The following GOLM2 variants were observed in gnomAD, a reference collection of about 807,000 sequenced individuals.
The protein encoded by GOLM2 is protein GOLM2.
In GOLM2, 26 loss-of-function variants were observed where a neutral mutation model predicts 55.9. That is an observed-to-expected ratio of 0.47 (90% CI 0.34 to 0.65). The LOEUF is 0.65. Among genes scored for constraint, GOLM2 ranks in the 30% least tolerant of loss-of-function variants. The pLI is 0.01. For missense variants in GOLM2, 486 were observed against 531.8 expected, an observed-to-expected ratio of 0.91 and a Z score of 0.85; for synonymous variants, 165 against 194.6, an observed-to-expected ratio of 0.85 and a Z score of 1.27.
chr15:44,364,980 G>T (rs1567036054), intron 6 of GOLM2, among the ~76,000 whole-genome samples: 1 of 152,138 alleles, frequency 6.6e-6, no homozygotes, highest in Non-Finnish European at 1.5e-5. Flanking sequence ...TAGTTGGGCA[G>T]TTTCTTACAA....
chr15:44,379,625 T>G (rs1027023695), intron 6 of GOLM2, 65 bp from the exon 7 acceptor site: 3 of 671,544 alleles, frequency 4.5e-6, no homozygotes, highest in African/African-American at 3.7e-5. Flanking sequence ...GTGGTTTTTT[T>G]TTTTTTTTTT....
intron 1 of GOLM2, among the ~76,000 whole-genome samples, chr15:44,306,284 C>T (rs558908702): frequency 3.3e-5 from 5 of 152,270 alleles, no homozygotes; most frequent in African/African-American, 4.8e-5. Context: ...TCCCCTTGCA[C>T]CTTTATGTTA....
At chr15:44,361,443 TAGA>T (rs2079238158) in intron 6 of GOLM2, among the ~76,000 whole-genome samples, 1 of 151,998 alleles carries the variant, frequency 6.6e-6, no homozygotes, top group Non-Finnish European at 1.5e-5. Context: ...CTAGAAAATC[TAGA>T]AGAAATGGAT....
intron 2 of GOLM2, among the ~76,000 whole-genome samples, chr15:44,323,538 G>A (rs1297088294): frequency 6.6e-6 from 1 of 150,944 alleles, no homozygotes; most frequent in African/African-American, 2.4e-5. Context: ...CTTGGATGAA[G>A]TGATAAAGAG....
chr15:44,315,398 T>TC (rs2078902526), intron 1 of GOLM2, among the ~76,000 whole-genome samples: 1 of 151,736 alleles, frequency 6.6e-6, no homozygotes, highest in African/African-American at 2.4e-5. Flanking sequence ...TTTTCAAGGT[T>TC]CCCCCAAATG....
chr15:44,345,773 G>C (rs1377556722), intron 6 of GOLM2: 1 of 152,056 alleles, frequency 6.6e-6, no homozygotes, highest in Non-Finnish European at 1.5e-5. Context: ...TTAAGTACCT[G>C]AGCAATTGAA....
chr15:44,369,152 TGTTCAGCTCTCAGCCCTATATCATTTTA>T (rs763100113), intron 6 of GOLM2, among the ~76,000 whole-genome samples: 197 of 129,460 alleles, frequency 1.5e-3, no homozygotes, highest in Non-Finnish European at 2.5e-3. Flanking sequence ...CTGTTATTTC[TGTTCAGCTCTCAGCCCTATATCATTTTA>T]GATATGTGTG....
At chr15:44,338,350 G>T (rs764961239) in intron 6 of GOLM2, 33 bp downstream of exon 6, 2 of 1,503,466 alleles carry the variant, frequency 1.3e-6, no homozygotes, top group Admixed American at 3.4e-5. Flanking sequence ...TTCGACTAAA[G>T]TGATGATAAT....
chr15:44,395,434 G>A (rs868725773), intron 8 of GOLM2, among the ~76,000 whole-genome samples: 1 of 151,510 alleles, frequency 6.6e-6, no homozygotes, highest in South Asian at 2.1e-4. Flanking sequence ...TAAAATATAC[G>A]GCCTAGTTTT....
At chr15:44,353,369 G>A (rs1410007764) in intron 6 of GOLM2, among the ~76,000 whole-genome samples, 3 of 152,192 alleles carry the variant, frequency 2.0e-5, no homozygotes, top group East Asian at 1.9e-4. Context: ...ATATGATCTA[G>A]CCATTCCACT....
chr15:44,348,302 T>C (rs2079138526), intron 6 of GOLM2, among the ~76,000 whole-genome samples: 1 of 150,906 alleles, frequency 6.6e-6, no homozygotes, highest in Admixed American at 6.6e-5. Context: ...TACACTATGC[T>C]AGAAGGGAGC....
chr15:44,300,024 C>T (rs2078786300), intron 1 of GOLM2, among the ~76,000 whole-genome samples: 1 of 150,838 alleles, frequency 6.6e-6, no homozygotes, highest in Non-Finnish European at 1.5e-5. Flanking sequence ...CACTTGAGCC[C>T]AGGAGTTTGA....
At chr15:44,315,131 G>A (rs2078900702) in intron 1 of GOLM2, among the ~76,000 whole-genome samples, 1 of 152,206 alleles carries the variant, frequency 6.6e-6, no homozygotes, top group African/African-American at 2.4e-5. Context: ...AGTAGAATAT[G>A]TCTTTTTTAA....
intron 1 of GOLM2, among the ~76,000 whole-genome samples, chr15:44,306,634 C>T (rs964128512): frequency 1.1e-4 from 16 of 152,318 alleles, no homozygotes; most frequent in African/African-American, 2.6e-4. Flanking sequence ...ATGTTCTTGA[C>T]GTGCCCTTTT....
In GOLM2 at chr15:44,291,645, A is replaced by G. The variant is rs943324997; in HGVS notation, c.327+2289A>G. ...GATTGTCTCTAGCTATTTGGAAACT[A>G]TTTTCTTTCTTGCTTCTGTTATACT... On this transcript the variant is annotated intron_variant, in intron 1 of 9. Transcript: ENST00000299957. 2.0e-5 allele frequency among the ~76,000 whole-genome samples: 3 copies of G among 152,002 alleles called. No homozygotes were observed. The East Asian group carries it at 5.8e-4, about 29-fold the overall frequency.
Position 44,294,731 on chromosome 15 carries a change from C to T in GOLM2, c.327+5375C>T, listed in dbSNP as rs1395094636. ...CATCTCAAAAAAAAAAAAAAAAACA[C>T]CACCACCACAAAAAAAAACAAAAAT... On this transcript the variant is annotated intron_variant, in intron 1 of 9. Transcript: ENST00000299957. Among the ~76,000 whole-genome samples, 8 of 147,098 alleles carry T rather than the reference C, an allele frequency of 5.4e-5. No homozygotes were observed. The East Asian group carries it at 1.6e-3, about 29-fold the overall frequency.
At chr15:44,395,919 A>C (rs540957168) in intron 8 of GOLM2, among the ~76,000 whole-genome samples, 1 of 152,220 alleles carries the variant, frequency 6.6e-6, no homozygotes, top group Non-Finnish European at 1.5e-5. Flanking sequence ...CTTGAAAAGC[A>C]TGCAGGCTAG....
chr15:44,400,615 C>T (rs1277190887), intron 8 of GOLM2, among the ~76,000 whole-genome samples: 2 of 126,240 alleles, frequency 1.6e-5, no homozygotes, highest in African/African-American at 3.0e-5. Context: ...CTTGCTCTGT[C>T]ACCCAGGCTG....
At chr15:44,338,035 C>T (rs1595634102) in intron 5 of GOLM2, 128 bp downstream of exon 5, 1 of 1,021,510 alleles carries the variant, frequency 9.8e-7, no homozygotes, top group Non-Finnish European at 1.4e-6. Flanking sequence ...TAAGTGTCTG[C>T]ATTGTTTCAA....
Sources: allele counts gnomAD v4.1 joint callset (sites outside exome capture counted in the v4.1 genomes callset), GRCh38; gene constraint gnomAD v4.1.1; transcripts MANE v1.5; gene names NCBI Gene and HGNC (gene_info 2026-07-23, HGNC 2026-07-21).